Variants in MGLL observed in about 807,000 individuals in gnomAD.
The protein encoded by MGLL is monoglyceride lipase.
Under a neutral mutation model 29.1 loss-of-function variants are expected in MGLL, and 7 were observed. The observed-to-expected ratio is 0.24, with a 90% CI of 0.14 to 0.45. The LOEUF is 0.45. Among genes scored for constraint, MGLL ranks in the 20% least tolerant of loss-of-function variants. MGLL has a pLI of 0.99. For synonymous variants in MGLL, 148 were observed against 168.3 expected, an observed-to-expected ratio of 0.88 and a Z score of 0.93; for missense variants, 356 against 413.6, an observed-to-expected ratio of 0.86 and a Z score of 1.21.
intron 2 of MGLL, among the ~76,000 whole-genome samples, chr3:127,798,595 C>G (rs140577490): frequency 7.9e-5 from 12 of 152,354 alleles, no homozygotes; most frequent in African/African-American, 2.9e-4. Context: ...ATTACCCCAA[C>G]AGCCTGAACA....
At chr3:127,802,096 A>T (rs1213923284) in intron 2 of MGLL, among the ~76,000 whole-genome samples, 1 of 152,142 alleles carries the variant, frequency 6.6e-6, no homozygotes, top group Non-Finnish European at 1.5e-5. Context: ...TTAGCAGATG[A>T]GCATATGCCA....
chr3:127,796,962 C>T (rs1415930934), intron 2 of MGLL, among the ~76,000 whole-genome samples: 1 of 152,124 alleles, frequency 6.6e-6, no homozygotes, highest in Non-Finnish European at 1.5e-5. Context: ...TCCCCCGGGG[C>T]GACTGCCTGC....
intron 2 of MGLL, among the ~76,000 whole-genome samples, chr3:127,814,207 G>A (rs962528031): frequency 4.6e-5 from 7 of 152,250 alleles, no homozygotes; most frequent in Non-Finnish European, 7.4e-5. Flanking sequence ...GTTAGCAGAT[G>A]GACACAAAGG....
intron 3 of MGLL, among the ~76,000 whole-genome samples, chr3:127,745,541 G>A (rs1052224511): frequency 5.9e-5 from 9 of 152,186 alleles, no homozygotes; most frequent in Non-Finnish European, 8.8e-5. Flanking sequence ...CACTGGAGGC[G>A]TGGAAGGATG....
chr3:127,750,955 T>C (rs532003963), intron 3 of MGLL, among the ~76,000 whole-genome samples: 18 of 152,124 alleles, frequency 1.2e-4, no homozygotes, highest in African/African-American at 4.3e-4. Flanking sequence ...AGGCTGGCAG[T>C]TGAGGATGTG....
intron 2 of MGLL, among the ~76,000 whole-genome samples, chr3:127,785,411 C>T (rs772577376): frequency 2.6e-5 from 4 of 152,260 alleles, no homozygotes; most frequent in Non-Finnish European, 4.4e-5. Context: ...GTCACATTCA[C>T]CACTGGATGC....
At chr3:127,704,464 CAGAAT>C (rs2075559861) in intron 6 of MGLL, among the ~76,000 whole-genome samples, 1 of 152,146 alleles carries the variant, frequency 6.6e-6, no homozygotes, top group Non-Finnish European at 1.5e-5. Context: ...AGACAACCTA[CAGAAT>C]AGGAGAAAAT....
intron 3 of MGLL, among the ~76,000 whole-genome samples, chr3:127,738,160 G>T (rs969999157): frequency 6.6e-6 from 1 of 151,950 alleles, no homozygotes; most frequent in Admixed American, 6.6e-5. Flanking sequence ...AATTAGCCAG[G>T]TGTGGTGGCA....
intron 1 of MGLL, 44 bp from the exon 2 acceptor site, chr3:127,821,882 G>A (rs1258126287): frequency 1.3e-6 from 2 of 1,595,044 alleles, no homozygotes; most frequent in Non-Finnish European, 1.7e-6. Context: ...AATATCTCAA[G>A]AACATGTATG....
chr3:127,816,877 G>A (rs1340921635), intron 2 of MGLL, among the ~76,000 whole-genome samples: 4 of 152,250 alleles, frequency 2.6e-5, no homozygotes, highest in African/African-American at 9.6e-5. Flanking sequence ...CAGTTCTGAG[G>A]ACTTGGGCAG....
intron 2 of MGLL, among the ~76,000 whole-genome samples, chr3:127,796,430 T>C (rs1002564264): frequency 1.6e-4 from 24 of 152,230 alleles, no homozygotes; most frequent in Admixed American, 1.6e-3. Flanking sequence ...GGATCTTTCA[T>C]ATTTAGCTTG....
chr3:127,698,779 A>G (rs2075422334), intron 6 of MGLL, among the ~76,000 whole-genome samples: 2 of 152,200 alleles, frequency 1.3e-5, no homozygotes, highest in South Asian at 4.1e-4. Flanking sequence ...ATTATTTCTT[A>G]TAGCTGCTTG....
intron 5 of MGLL, chr3:127,713,862 C>G (rs2075765821): frequency 6.6e-6 from 1 of 152,266 alleles, no homozygotes; most frequent in African/African-American, 2.4e-5. Flanking sequence ...AAGATGCTGA[C>G]AGCTTAGGCT....
chr3:127,821,799 G>A lies in MGLL; in HGVS notation c.50C>T (p.Pro17Leu), dbSNP rs749035183. ...GGGAATGCTCTGCGGGGTCCGCCTGGGGGAACTTTCCTCTGGCATGCTGGA... is the reference window on the plus strand; with the variant it reads ...GGGAATGCTCTGCGGGGTCCGCCTGAGGGAACTTTCCTCTGGCATGCTGGA... ...DPSSMPEESSPRRTPQSIPYQ... is the reference protein window; with the variant it reads ...DPSSMPEESSLRRTPQSIPYQ... The change falls in exon 2 of 8, where the codon CCC becomes CTC. Residue 17 changes from proline (P) to leucine (L), a missense_variant. By Grantham distance (98) the Pro-to-Leu change is moderately conservative. Coordinates refer to ENST00000265052, the MANE Select transcript of MGLL (RefSeq NM_007283.7). 6 of 1,613,980 alleles carry A rather than the reference G, an allele frequency of 3.7e-6. No individual in the cohort carries two copies. The highest frequency in any genetic ancestry group is 5.1e-6 in the Non-Finnish European group (6 of 1,179,994).
At chr3:127,773,404 C>T (rs1040936981) in intron 3 of MGLL, among the ~76,000 whole-genome samples, 32 of 152,248 alleles carry the variant, frequency 2.1e-4, no homozygotes, top group African/African-American at 5.3e-4. Context: ...CTCCTGGCAG[C>T]GCTGTGAGGA....
At chr3:127,809,175 G>T (rs1182087264) in intron 2 of MGLL, among the ~76,000 whole-genome samples, 1 of 152,164 alleles carries the variant, frequency 6.6e-6, no homozygotes, top group Admixed American at 6.5e-5. Flanking sequence ...CAGAGAGAGA[G>T]ATCAATCTTC....
Position 127,692,123 on chromosome 3 carries a change from C to CA in MGLL, c.*74dup. ...TTTTTTTTTTTTTTTTTTGGCAAGC[C>CA]ATATCTGAGAAGCCATCTCTGCCCT... is the stretch of plus-strand genomic sequence containing the variant. On this transcript the variant is annotated 3_prime_UTR_variant, in exon 8 of 8. Coordinates refer to ENST00000265052, the MANE Select transcript of MGLL (RefSeq NM_007283.7). 1.0e-6 allele frequency: 1 copy of CA among 954,112 alleles called. No homozygotes were observed. The highest frequency in any genetic ancestry group is 1.6e-6 in the Non-Finnish European group (1 of 643,258). 59.1% of individuals were successfully genotyped at this position (954,112 alleles called of 1,614,324 possible). A position where few individuals can be genotyped will look rare whatever the true frequency, so the allele number is the denominator to read the frequency against.
chr3:127,807,568 T>C (rs1320949733), intron 2 of MGLL, among the ~76,000 whole-genome samples: 1 of 151,902 alleles, frequency 6.6e-6, no homozygotes, highest in African/African-American at 2.4e-5. Flanking sequence ...ATTTGCATTT[T>C]AAAAGATAAT....
At chr3:127,789,116 G>A (rs1185571159) in intron 2 of MGLL, among the ~76,000 whole-genome samples, 1 of 152,184 alleles carries the variant, frequency 6.6e-6, no homozygotes, top group East Asian at 1.9e-4. Context: ...AAAGGGGTGG[G>A]GGGATGTGCA....
Sources: allele counts gnomAD v4.1 joint callset (sites outside exome capture counted in the v4.1 genomes callset), GRCh38; gene constraint gnomAD v4.1.1; transcripts MANE v1.5; gene names NCBI Gene and HGNC (gene_info 2026-07-23, HGNC 2026-07-21).